RANBP2: variants seen among roughly 807,000 people sequenced by gnomAD.
The protein encoded by RANBP2 is E3 SUMO-protein ligase RanBP2.
RANBP2 carries 57 observed loss-of-function variants against 303.6 expected under a neutral mutation model. The ratio of observed to expected loss-of-function variants is 0.19; its 90% confidence interval spans 0.15 to 0.23. The LOEUF (loss-of-function observed/expected upper bound fraction) is 0.23, where lower values mean the gene tolerates loss of function less well. Among genes scored for constraint, RANBP2 ranks in the 10% least tolerant of loss-of-function variants. RANBP2 has a pLI of 1.00. For synonymous variants in RANBP2, 1,167 were observed against 1,301.5 expected (o/e 0.90, Z 2.23); for missense variants, 3,138 against 3,780.8 (o/e 0.83, Z 4.46).
chr2:109,637,614 C>A, the RANBP2 span, among the ~76,000 whole-genome samples: 1 of 152,194 alleles, frequency 6.6e-6, no homozygotes, highest in East Asian at 1.9e-4. Context: ...TGCTTGTAAA[C>A]ATTTTGTTAA....
chr2:109,690,312 G>A, the RANBP2 span, among the ~76,000 whole-genome samples: 2 of 152,306 alleles, frequency 1.3e-5, no homozygotes, highest in African/African-American at 4.8e-5. Flanking sequence ...AAGCAAAGGC[G>A]GGACAACTCA....
the RANBP2 span, among the ~76,000 whole-genome samples, chr2:109,537,513 C>T: frequency 6.6e-6 from 1 of 151,958 alleles, no homozygotes; most frequent in Non-Finnish European, 1.5e-5. Flanking sequence ...TCTCAAATGT[C>T]CTTACCAGGC....
At chr2:109,485,711 G>A in the RANBP2 span, among the ~76,000 whole-genome samples, 1 of 152,270 alleles carries the variant, frequency 6.6e-6, no homozygotes, top group Non-Finnish European at 1.5e-5. Flanking sequence ...TTCAGGCTGT[G>A]TGTGTGACTG....
the RANBP2 span, among the ~76,000 whole-genome samples, chr2:108,852,503 A>G: frequency 2.0e-5 from 3 of 152,216 alleles, no homozygotes; most frequent in Non-Finnish European, 2.9e-5. Context: ...AATCAACCCA[A>G]ATGCCCATCG....
the RANBP2 span, among the ~76,000 whole-genome samples, chr2:108,810,458 T>G: frequency 6.6e-6 from 1 of 152,224 alleles, no homozygotes; most frequent in Non-Finnish European, 1.5e-5. Flanking sequence ...AAAACGTGAT[T>G]ATCACATTTT....
the RANBP2 span, chr2:108,876,345 T>A: frequency 3.0e-6 from 2 of 662,138 alleles, no homozygotes; most frequent in Non-Finnish European, 5.0e-6. Flanking sequence ...AGTAAAGTTA[T>A]CAGTAGCATC....
intron 3 of RANBP2, 45 bp from the exon 4 acceptor site, chr2:108,731,277 A>G: frequency 1.3e-6 from 2 of 1,596,858 alleles, no homozygotes; most frequent in Non-Finnish European, 1.7e-6. Flanking sequence ...CTACATACAT[A>G]CATACAATTT....
At chr2:109,261,981 C>T in the RANBP2 span, among the ~76,000 whole-genome samples, 1 of 152,082 alleles carries the variant, frequency 6.6e-6, no homozygotes, top group African/African-American at 2.4e-5. Flanking sequence ...GAGGAAGGGC[C>T]ACAAAGCTCT....
the RANBP2 span, among the ~76,000 whole-genome samples, chr2:109,340,302 G>A: frequency 5.8e-4 from 88 of 152,282 alleles, no homozygotes; most frequent in African/African-American, 2.0e-3. Context: ...TAAGGATCCT[G>A]TGGGTCTCGC....
chr2:109,554,539 G>A, the RANBP2 span, among the ~76,000 whole-genome samples: 2 of 152,124 alleles, frequency 1.3e-5, no homozygotes, highest in Non-Finnish European at 2.9e-5. Context: ...AACTCAGACT[G>A]GGACAATTTA....
chr2:109,172,911 G>T, the RANBP2 span, among the ~76,000 whole-genome samples: 1 of 152,216 alleles, frequency 6.6e-6, no homozygotes, highest in African/African-American at 2.4e-5. Context: ...CAAAGCAATT[G>T]CTTGTCTGTG....
chr2:108,941,978 G>A, the RANBP2 span, among the ~76,000 whole-genome samples: 3 of 152,202 alleles, frequency 2.0e-5, no homozygotes, highest in Non-Finnish European at 2.9e-5. Flanking sequence ...CTGCTGGCTG[G>A]GGAAGGTGGC....
chr2:108,926,507 G>C, the RANBP2 span, among the ~76,000 whole-genome samples: 1 of 152,190 alleles, frequency 6.6e-6, no homozygotes, highest in Non-Finnish European at 1.5e-5. Flanking sequence ...TCCTCCAACC[G>C]TGTTGGTGTG....
the RANBP2 span, among the ~76,000 whole-genome samples, chr2:109,203,731 A>G: frequency 6.6e-6 from 1 of 152,054 alleles, no homozygotes. Flanking sequence ...CTCCATGGGT[A>G]TGCTCTGCCC....
chr2:109,361,202 T>C, the RANBP2 span, among the ~76,000 whole-genome samples: 5 of 152,238 alleles, frequency 3.3e-5, no homozygotes, highest in Non-Finnish European at 5.9e-5. Flanking sequence ...ATAATTCTTT[T>C]TATACCTTGT....
At chr2:109,457,368 A>G in the RANBP2 span, among the ~76,000 whole-genome samples, 1 of 152,270 alleles carries the variant, frequency 6.6e-6, no homozygotes, top group Non-Finnish European at 1.5e-5. Context: ...ACTATTATTC[A>G]GAAGTAGGGT....
At chr2:109,537,657 T>G in the RANBP2 span, among the ~76,000 whole-genome samples, 1 of 152,090 alleles carries the variant, frequency 6.6e-6, no homozygotes, top group Non-Finnish European at 1.5e-5. Flanking sequence ...TACAAATGTT[T>G]AGGGACAGCT....
chr2:109,522,006 G>C, the RANBP2 span, among the ~76,000 whole-genome samples: 1 of 146,802 alleles, frequency 6.8e-6, no homozygotes, highest in Non-Finnish European at 1.5e-5. Flanking sequence ...GACTTACATG[G>C]GACAGCTGTC....
At chr2:108,964,203 C>T in the RANBP2 span, among the ~76,000 whole-genome samples, 1 of 152,164 alleles carries the variant, frequency 6.6e-6, no homozygotes, top group African/African-American at 2.4e-5. Flanking sequence ...AACATCCAGG[C>T]TTGTATAGAT....
Sources: gnomAD v4.1 joint callset for allele counts (sites outside exome capture counted in the v4.1 genomes callset) on GRCh38, gnomAD v4.1.1 for gene constraint, MANE v1.5 for transcripts, NCBI Gene and HGNC (gene_info 2026-07-23, HGNC 2026-07-21) for gene names.